The following DGKI variants were observed in gnomAD, a reference collection of about 807,000 sequenced individuals.
The protein encoded by DGKI is diacylglycerol kinase iota, also known as DAG kinase iota.
In DGKI, 55 loss-of-function variants were observed where a neutral mutation model predicts 147.5. The ratio of observed to expected loss-of-function variants is 0.37; its 90% CI spans 0.30 to 0.47. DGKI has a LOEUF of 0.47. Ranked by LOEUF, DGKI falls within the 20% of genes least tolerant of loss-of-function variation. The pLI, the probability that DGKI is intolerant of heterozygous loss-of-function variation, is 1.00. For missense variants in DGKI, 1,007 were observed against 1,323.8 expected (o/e 0.76, Z 3.71); for synonymous variants, 469 against 477.1 (o/e 0.98, Z 0.22).
intron 21 of DGKI, 76 bp downstream of exon 21, chr7:137,521,790 A>T: frequency 2.0e-6 from 2 of 1,014,458 alleles, no homozygotes; most frequent in Non-Finnish European, 3.1e-6. Flanking sequence ...AAATGAATCT[A>T]CCCATCAAAC....
chr7:137,559,262 G>A (rs1000809554), intron 19 of DGKI, among the ~76,000 whole-genome samples: 1 of 150,438 alleles, frequency 6.6e-6, no homozygotes, highest in Non-Finnish European at 1.5e-5. Context: ...TAGTAGAGAC[G>A]GGGTTTCACC....
At chr7:137,603,920 G>C (rs1400707010) in intron 10 of DGKI, among the ~76,000 whole-genome samples, 1 of 152,100 alleles carries the variant, frequency 6.6e-6, no homozygotes, top group Non-Finnish European at 1.5e-5. Flanking sequence ...AGAGGCTTAG[G>C]CTTTAATTTA....
chr7:137,805,313 C>A (rs1797331951), intron 1 of DGKI, among the ~76,000 whole-genome samples: 1 of 152,186 alleles, frequency 6.6e-6, no homozygotes, highest in Non-Finnish European at 1.5e-5. Flanking sequence ...TCCTTACCTG[C>A]CTGACAATCA....
intron 20 of DGKI, among the ~76,000 whole-genome samples, chr7:137,539,733 A>T (rs980977600): frequency 3.3e-5 from 5 of 151,922 alleles, no homozygotes; most frequent in Admixed American, 1.3e-4. Flanking sequence ...AATCAAGCAG[A>T]AGGAAGGAAA....
intron 20 of DGKI, among the ~76,000 whole-genome samples, chr7:137,529,725 T>A (rs960304378): frequency 1.3e-5 from 2 of 152,206 alleles, no homozygotes; most frequent in Non-Finnish European, 2.9e-5. Flanking sequence ...GTTGATCCAA[T>A]TCTGGAATTT....
intron 12 of DGKI, among the ~76,000 whole-genome samples, chr7:137,595,472 T>C (rs1242230928): frequency 6.6e-6 from 1 of 152,216 alleles, no homozygotes; most frequent in East Asian, 1.9e-4. Context: ...TTTTGGTTTG[T>C]TTACTTGACA....
At chr7:137,441,042 G>A (rs752528990) in intron 28 of DGKI, among the ~76,000 whole-genome samples, 22 of 152,142 alleles carry the variant, frequency 1.4e-4, no homozygotes, top group Non-Finnish European at 2.6e-4. Flanking sequence ...ACATAATCCC[G>A]AGCAAACATC....
In DGKI at chr7:137,846,602, C is replaced by A; in HGVS notation, c.261G>T (p.Ala87=). ...GSCCLGAEGG[A]DPRGAGSAAA... is the part of the protein sequence containing the mutation. Reference sequence around the variant, plus strand: ...CGGCTGACCCTGCGCCCCGCGGGTCCGCGCCGCCCTCGGCGCCCAGGCAGC... The same window carrying A: ...CGGCTGACCCTGCGCCCCGCGGGTCAGCGCCGCCCTCGGCGCCCAGGCAGC... Residue 87 remains alanine (A), a synonymous_variant, in exon 1 of 33, where the codon GCG becomes GCT. Coordinates refer to ENST00000614521, the MANE Select transcript of DGKI (RefSeq NM_001321708.2). This position sits in a 1 kb window ranked among gnomAD's most constrained non-coding sequence, Gnocchi z 4.0. 1.8e-6 allele frequency: 2 copies of A among 1,120,812 alleles called. No homozygotes were observed. The highest frequency in any genetic ancestry group is 2.2e-6 in the Non-Finnish European group (2 of 921,768). 69.4% of individuals were successfully genotyped at this position (1,120,812 alleles called of 1,614,324 possible).
intron 3 of DGKI, among the ~76,000 whole-genome samples, chr7:137,668,920 T>C (rs537719844): frequency 6.6e-5 from 10 of 152,348 alleles, no homozygotes; most frequent in Admixed American, 5.2e-4. Flanking sequence ...CAAGGAGGAA[T>C]GATTATAGTG....
At chr7:137,575,711 T>C (rs1818947074) in intron 17 of DGKI, among the ~76,000 whole-genome samples, 1 of 152,224 alleles carries the variant, frequency 6.6e-6, no homozygotes, top group East Asian at 1.9e-4. Context: ...TGTTCTTGTA[T>C]CTAGCTTTAA....
At chr7:137,797,698 T>C (rs796202553) in intron 1 of DGKI, among the ~76,000 whole-genome samples, 5 of 152,238 alleles carry the variant, frequency 3.3e-5, no homozygotes, top group African/African-American at 1.2e-4. Flanking sequence ...ATTAAAATGA[T>C]ACATTAGGAA....
intron 10 of DGKI, among the ~76,000 whole-genome samples, chr7:137,608,575 G>A (rs115883120): frequency 1.1e-3 from 173 of 152,168 alleles, no homozygotes; most frequent in African/African-American, 4.0e-3. Context: ...GGATGAAAGT[G>A]GTTGTATCTA....
At chr7:137,815,467 T>TTTC (rs1306284414) in intron 1 of DGKI, among the ~76,000 whole-genome samples, 1 of 152,200 alleles carries the variant, frequency 6.6e-6, no homozygotes, top group South Asian at 2.1e-4. Flanking sequence ...GATCTACACA[T>TTTC]TTCTTCTTCT....
At chr7:137,512,237 G>A (rs1816603938) in intron 21 of DGKI, among the ~76,000 whole-genome samples, 1 of 152,192 alleles carries the variant, frequency 6.6e-6, no homozygotes, top group Non-Finnish European at 1.5e-5. Flanking sequence ...CCACAGCAAT[G>A]TAACCCTGTG....
intron 12 of DGKI, among the ~76,000 whole-genome samples, chr7:137,596,060 A>T (rs1819787983): frequency 6.7e-6 from 1 of 150,002 alleles, no homozygotes; most frequent in Admixed American, 6.6e-5. Flanking sequence ...AAGGAAGAAG[A>T]AAGGAGAGAG....
At position 137,683,577 on chromosome 7, in the gene DGKI, T is replaced by C. The variant is rs550546779; in HGVS notation, c.511-4925A>G. ...TCTTGAAACATACCTCGCATTTCCC[T>C]TTTTGGTGCCACGTTTTTGTTCATT... On this transcript the variant is annotated intron_variant, in intron 2 of 32. Coordinates refer to ENST00000614521, the MANE Select transcript of DGKI (RefSeq NM_001321708.2). Among the ~76,000 whole-genome samples, 6 of 152,262 alleles carry C rather than the reference T, an allele frequency of 3.9e-5. No homozygotes were observed. The East Asian group carries it at 9.7e-4, about 24-fold the overall frequency.
rs138175031 is a variant in DGKI at position 137,795,798 on chromosome 7, C to T, written c.401+50664G>A. 7.4e-3 allele frequency among the ~76,000 whole-genome samples: 1,124 copies of T among 152,262 alleles called. 11 individuals are homozygous for T. The highest frequency in any genetic ancestry group is 0.026 in the African/African-American group (1,083 of 41,536). On this transcript the variant is annotated intron_variant, in intron 1 of 32. Transcript: ENST00000614521. The stretch of plus-strand genomic sequence containing the variant: ...TATTTATTGCATACTCTAACTCACA[C>T]ATATAGATCACAAAAAAGTAGTGGG...
chr7:137,467,608 T>A (rs1173834821), intron 24 of DGKI, among the ~76,000 whole-genome samples: 3 of 152,186 alleles, frequency 2.0e-5, no homozygotes, highest in Admixed American at 6.5e-5. Flanking sequence ...GCAAAAAAAT[T>A]ATTTAAGCAT....
intron 20 of DGKI, among the ~76,000 whole-genome samples, chr7:137,527,362 A>G (rs1428759749): frequency 5.9e-5 from 9 of 152,188 alleles, no homozygotes; most frequent in Admixed American, 5.9e-4. Flanking sequence ...TCTAATTAGC[A>G]CTTAGTAGAC....
Sources: allele counts gnomAD v4.1 joint callset (sites outside exome capture counted in the v4.1 genomes callset), GRCh38; gene constraint gnomAD v4.1.1; non-coding constraint Gnocchi (gnomAD v3.1); transcripts MANE v1.5; gene names NCBI Gene and HGNC (gene_info 2026-07-23, HGNC 2026-07-21).